SFXN5: variants seen among roughly 807,000 people sequenced by gnomAD.
SFXN5 encodes sideroflexin 5, also known as sideroflexin-5.
SFXN5 carries 43 observed loss-of-function variants against 50.2 expected under a neutral mutation model. The ratio of observed to expected loss-of-function variants is 0.86; its 90% CI spans 0.67 to 1.11. SFXN5 has a LOEUF of 1.11. Among genes scored for constraint, SFXN5 ranks in the 50% least tolerant of loss-of-function variants. The pLI, the probability that SFXN5 is intolerant of heterozygous loss-of-function variation, is 0.00. For synonymous variants in SFXN5, 203 were observed against 185.8 expected, an observed-to-expected ratio of 1.09 and a Z score of -0.75; for missense variants, 463 against 454.1, an observed-to-expected ratio of 1.02 and a Z score of -0.18.
intron 9 of SFXN5, 57 bp downstream of exon 9, chr2:72,998,892 G>A: frequency 1.9e-6 from 3 of 1,582,228 alleles, no homozygotes; most frequent in Non-Finnish European, 2.6e-6. Flanking sequence ...CTGCAATGCT[G>A]AGCGGGGTGG....
chr2:73,071,452 G>A, intron 1 of SFXN5, 152 bp downstream of exon 1: 1 of 670,414 alleles, frequency 1.5e-6, no homozygotes, highest in South Asian at 1.9e-5. Flanking sequence ...ATGGGAAAAG[G>A]GTGACTGTGA....
intron 11 of SFXN5, among the ~76,000 whole-genome samples, chr2:72,968,898 G>C (rs141997433): frequency 3.1e-3 from 465 of 151,850 alleles, no homozygotes; most frequent in Non-Finnish European, 4.9e-3. Context: ...TGCCTCCCAG[G>C]TTCAAATGAT....
chr2:73,007,331 G>A (rs2105743367), intron 6 of SFXN5, among the ~76,000 whole-genome samples: 1 of 152,240 alleles, frequency 6.6e-6, no homozygotes, highest in South Asian at 2.1e-4. Flanking sequence ...GCCAGGGGAA[G>A]ACTAGGGCGA....
intron 5 of SFXN5, 42 bp downstream of exon 5, chr2:73,022,480 C>A: frequency 6.7e-7 from 1 of 1,503,244 alleles, no homozygotes; most frequent in Non-Finnish European, 9.3e-7. Context: ...CTGGAGTAAG[C>A]ACCCCAGGCT....
chr2:72,972,393 T>C (rs2105462794), intron 10 of SFXN5, among the ~76,000 whole-genome samples: 1 of 152,326 alleles, frequency 6.6e-6, no homozygotes, highest in South Asian at 2.1e-4. Context: ...GGGCAGACCT[T>C]CTCCATTCTT....
chr2:73,000,727 C>A (rs533096290), intron 7 of SFXN5, among the ~76,000 whole-genome samples: 2 of 152,316 alleles, frequency 1.3e-5, no homozygotes, highest in South Asian at 4.1e-4. Context: ...TGGGGTCCTG[C>A]GCACCCCAGT....
chr2:73,044,425 G>C (rs1002950771), intron 2 of SFXN5: 6 of 152,392 alleles, frequency 3.9e-5, no homozygotes, highest in Non-Finnish European at 8.8e-5. Flanking sequence ...CAGGACAGCT[G>C]TCTGGACAGG....
rs1167289237 is a variant in SFXN5 at position 72,988,286 on chromosome 2, G to A, written c.597C>T (p.Ile199=). Residue 199 remains isoleucine, a synonymous_variant, in exon 10 of 14, where the codon ATC becomes ATT. Transcript: ENST00000272433. ...NKFTPATRLL[I]QRFVPFPAVA... is the part of the protein sequence containing the mutation. ...CAGCAGGGAACGGCACAAACCTCTG[G>A]ATGAGAAGGCGGGTGGCTGGGGTGA... 7 of 1,613,784 alleles carry A rather than the reference G, an allele frequency of 4.3e-6. No homozygotes were observed. The highest frequency in any genetic ancestry group is 1.3e-5 in the African/African-American group (1 of 74,920).
At chr2:73,035,032 G>A (rs1678795687) in intron 3 of SFXN5, among the ~76,000 whole-genome samples, 1 of 152,160 alleles carries the variant, frequency 6.6e-6, no homozygotes, top group Admixed American at 6.6e-5. Context: ...TACTAGCTAT[G>A]TGACCTTAGG....
At chr2:73,005,918 G>T (rs748917857) in intron 6 of SFXN5, among the ~76,000 whole-genome samples, 10 of 152,056 alleles carry the variant, frequency 6.6e-5, no homozygotes, top group Non-Finnish European at 1.0e-4. Flanking sequence ...CCTAATTGCA[G>T]GGGGTGGGGG....
chr2:72,999,455 C>T (rs978195424), intron 8 of SFXN5, among the ~76,000 whole-genome samples: 2 of 151,894 alleles, frequency 1.3e-5, no homozygotes, highest in African/African-American at 2.4e-5. Context: ...AACAGCTGGG[C>T]TCCCATGTCA....
chr2:72,982,062 G>A lies in SFXN5; in HGVS notation c.625+6196C>T, dbSNP rs541136761. On this transcript the variant is annotated intron_variant, in intron 10 of 13. Coordinates refer to ENST00000272433, the MANE Select transcript of SFXN5 (RefSeq NM_144579.3). Reference sequence around the variant, plus strand: ...GAACAAGTTCCCTGATGGCAGGAATGTGCCACCCCTGATTGGGGCAGGAGG... The same window carrying A: ...GAACAAGTTCCCTGATGGCAGGAATATGCCACCCCTGATTGGGGCAGGAGG... Among the ~76,000 whole-genome samples, 76 of 152,222 alleles carry A rather than the reference G, an allele frequency of 5.0e-4. 1 individual carries two copies. The East Asian group carries it at 0.012, about 23-fold the overall frequency.
intron 2 of SFXN5, among the ~76,000 whole-genome samples, chr2:73,044,164 T>TTGA (rs758343115): frequency 3.3e-5 from 5 of 152,210 alleles, no homozygotes; most frequent in Non-Finnish European, 7.4e-5. Context: ...TCCATCTCAC[T>TTGA]TGACACAGTC....
intron 6 of SFXN5, among the ~76,000 whole-genome samples, chr2:73,014,960 T>C (rs1675967291): frequency 1.3e-5 from 2 of 152,234 alleles, no homozygotes; most frequent in Admixed American, 6.5e-5. Flanking sequence ...CATGTCTTAC[T>C]GCACTTGCTA....
chr2:73,060,795 G>C (rs1001586100), intron 1 of SFXN5, among the ~76,000 whole-genome samples: 1 of 150,592 alleles, frequency 6.6e-6, no homozygotes, highest in Non-Finnish European at 1.5e-5. Flanking sequence ...TCTGCCTCCC[G>C]AGTTAGCAAT....
intron 2 of SFXN5, among the ~76,000 whole-genome samples, chr2:73,048,497 T>C (rs1202851013): frequency 2.0e-5 from 3 of 152,246 alleles, no homozygotes; most frequent in Non-Finnish European, 4.4e-5. Flanking sequence ...ATTATAGGCA[T>C]GAGCCACTGT....
chr2:73,035,387 T>C (rs1678838943), intron 3 of SFXN5, among the ~76,000 whole-genome samples: 1 of 152,164 alleles, frequency 6.6e-6, no homozygotes, highest in Non-Finnish European at 1.5e-5. Flanking sequence ...GCTACAGTCC[T>C]TATTACGGTT....
At position 72,960,397 on chromosome 2, in the gene SFXN5, C is replaced by G. The variant is rs1673586197; in HGVS notation, c.945+734G>C. Among the ~76,000 whole-genome samples the G allele has an allele frequency of 6.6e-6, 1 of 152,140 alleles. No individual in the cohort carries two copies. Among genetic ancestry groups the G allele is most frequent in the Non-Finnish European group, 1.5e-5 (1 of 68,032 alleles). ...AGCTCTTCATCGAATCCCGAAGAAGCCGCCTCCTGACTCCCTCTTTAGGGA... is the reference window on the plus strand; with the variant it reads ...AGCTCTTCATCGAATCCCGAAGAAGGCGCCTCCTGACTCCCTCTTTAGGGA... On this transcript the variant is annotated intron_variant, in intron 13 of 13. Transcript: ENST00000272433. This position sits in a 1 kb window ranked among gnomAD's most constrained non-coding sequence, Gnocchi z 6.1.
chr2:72,963,038 A>G (rs1559092482), intron 12 of SFXN5, among the ~76,000 whole-genome samples: 1 of 151,780 alleles, frequency 6.6e-6, no homozygotes, highest in Non-Finnish European at 1.5e-5. Flanking sequence ...TAAGGCTGAG[A>G]GGGCCCTGAG....
Sources: allele counts gnomAD v4.1 joint callset (sites outside exome capture counted in the v4.1 genomes callset), GRCh38; gene constraint gnomAD v4.1.1; non-coding constraint Gnocchi (gnomAD v3.1); transcripts MANE v1.5; gene names NCBI Gene and HGNC (gene_info 2026-07-23, HGNC 2026-07-21).